Variants in EMC8 observed in about 807,000 individuals in gnomAD.
EMC8 encodes the protein COX4 neighbor.
A neutral mutation model predicts 24.3 loss-of-function variants in EMC8; 11 were observed. The observed-to-expected ratio is 0.45, with a 90% CI of 0.28 to 0.75. The LOEUF (loss-of-function observed/expected upper bound fraction) is 0.75. EMC8 is among the 30% of genes least tolerant of loss of function. The probability of loss-of-function intolerance (pLI) is 0.12; values close to 1 mark genes in which losing one functional copy is unlikely to be tolerated. For synonymous variants in EMC8, 145 were observed against 117.7 expected (o/e 1.23, Z -1.50); for missense variants, 277 against 282.7 (o/e 0.98, Z 0.14).
intron 1 of EMC8, among the ~76,000 whole-genome samples, chr16:85,789,798 CAA>C (rs879349757): frequency 1.8e-4 from 18 of 101,190 alleles, no homozygotes; most frequent in African/African-American, 1.5e-4. Context: ...GTCTCCGTCT[CAA>C]AAAAAAAAAA....
chr16:85,779,601 C>CG lies in EMC8; in HGVS notation c.*106dup. On this transcript the variant is annotated 3_prime_UTR_variant, in exon 5 of 5. Transcript: ENST00000253457. ...TCAAGGCACATGCCACTTCTTAAAA[C>CG]GGTCAGCTTTCCACACAGGCTACAA... is the stretch of plus-strand genomic sequence containing the variant. The CG allele has an allele frequency of 8.4e-7, 1 of 1,196,690 alleles. No individual in the cohort carries two copies. Among genetic ancestry groups the CG allele is most frequent in the Non-Finnish European group, 1.2e-6 (1 of 831,138 alleles). The allele number at this position is 1,196,690 out of a possible 1,614,324, so 74.1% of individuals were successfully genotyped here. A position where few individuals can be genotyped will look rare whatever the true frequency, so the allele number is the denominator to read the frequency against.
At position 85,799,317 on chromosome 16, in the gene EMC8, A is replaced by G. The variant is rs1177878216; in HGVS notation, c.-22T>C. 11 of 1,548,888 alleles carry G rather than the reference A, an allele frequency of 7.1e-6. No individual in the cohort carries two copies. The highest frequency in any genetic ancestry group is 8.7e-6 in the Non-Finnish European group (10 of 1,143,052). ...GCATGCTGACCCGGGAGGGCCCCGGAGGCCCCTGGGCGCGCGGCTGAGGCC... is the reference window on the plus strand; with the variant it reads ...GCATGCTGACCCGGGAGGGCCCCGGGGGCCCCTGGGCGCGCGGCTGAGGCC... On this transcript the variant is annotated 5_prime_UTR_variant, in exon 1 of 5. Transcript: ENST00000253457. This position sits in a 1 kb window ranked among gnomAD's most constrained non-coding sequence, Gnocchi z 4.2.
chr16:85,781,002 C>T (rs1904468124), intron 3 of EMC8: 2 of 571,490 alleles, frequency 3.5e-6, no homozygotes, highest in South Asian at 2.1e-5. Flanking sequence ...GGGGACCCCA[C>T]TCCCACTTGT....
At chr16:85,793,124 G>A (rs1225947316) in intron 1 of EMC8, among the ~76,000 whole-genome samples, 2 of 152,192 alleles carry the variant, frequency 1.3e-5, no homozygotes, top group African/African-American at 2.4e-5. Flanking sequence ...ACTATTAAAA[G>A]GGCTGGGGCC....
chr16:85,783,063 G>A (rs1904584332), intron 2 of EMC8, among the ~76,000 whole-genome samples: 3 of 152,202 alleles, frequency 2.0e-5, no homozygotes, highest in Admixed American at 2.0e-4. Context: ...ACTTTCGGAG[G>A]CCGAGGCAGG....
At position 85,780,070 on chromosome 16, in the gene EMC8, G is replaced by A. The variant is rs16939687; in HGVS notation, c.474-203C>T. 2,599 of 604,812 alleles carry A rather than the reference G, an allele frequency of 4.3e-3. 49 individuals carry two copies. The highest frequency in any genetic ancestry group is 0.041 in the African/African-American group (2,220 of 53,814). The allele number at this position is 604,812 out of a possible 1,614,324, so 37.5% of individuals were successfully genotyped here. ...AATACATGGAAGGGACGCCTTTCACGTGGAATTCTGAGAAAGTTGGAGGCA... is the reference window on the plus strand; with the variant it reads ...AATACATGGAAGGGACGCCTTTCACATGGAATTCTGAGAAAGTTGGAGGCA... On this transcript the variant is annotated intron_variant, in intron 4 of 4. Coordinates refer to ENST00000253457, the MANE Select transcript of EMC8 (RefSeq NM_006067.5).
At chr16:85,788,938 A>G (rs1364101389) in intron 2 of EMC8, 36 bp downstream of exon 2, 4 of 1,503,888 alleles carry the variant, frequency 2.7e-6, no homozygotes, top group Non-Finnish European at 3.7e-6. Flanking sequence ...ACACGTGCTC[A>G]CTTCCTCGCC....
In EMC8 at chr16:85,793,404, T is replaced by C. The variant is rs112196151; in HGVS notation, c.232-4354A>G. Among the ~76,000 whole-genome samples, 546 of 152,296 alleles carry C rather than the reference T, an allele frequency of 3.6e-3. 1 individual carries two copies. The highest frequency in any genetic ancestry group is 6.4e-3 in the Non-Finnish European group (433 of 68,022). ...GAAAGTTCCTTCTCAAGTCAGCTGC[T>C]GATCTTTCTATGGAATGAGAAGGAG... On this transcript the variant is annotated intron_variant, in intron 1 of 4. Coordinates refer to ENST00000253457, the MANE Select transcript of EMC8 (RefSeq NM_006067.5).
intron 1 of EMC8, among the ~76,000 whole-genome samples, chr16:85,795,642 GC>G (rs1597209688): frequency 2.0e-5 from 3 of 152,160 alleles, no homozygotes; most frequent in Admixed American, 1.3e-4. Flanking sequence ...GAGCTTCCAT[GC>G]CCCTTTCCCA....
chr16:85,783,039 C>A lies in EMC8; in HGVS notation c.309-1759G>T, dbSNP rs542237952. ...GGTCGGCTGGGTGCAGTGGCTCACGCCTGTAATCCCTGCACTTTCGGAGGC... is the reference window on the plus strand; with the variant it reads ...GGTCGGCTGGGTGCAGTGGCTCACGACTGTAATCCCTGCACTTTCGGAGGC... On this transcript the variant is annotated intron_variant, in intron 2 of 4. Transcript: ENST00000253457. Among the ~76,000 whole-genome samples the A allele has an allele frequency of 2.6e-5, 4 of 152,338 alleles. No homozygotes were observed. In the South Asian group the frequency reaches 8.3e-4, roughly 32 times the overall value.
At position 85,799,231 on chromosome 16, in the gene EMC8, G is replaced by T; in HGVS notation, c.65C>A (p.Pro22Gln). The T allele has an allele frequency of 6.2e-7, 1 of 1,613,212 alleles. No homozygotes were observed. Among genetic ancestry groups the T allele is most frequent in the Non-Finnish European group, 8.5e-7 (1 of 1,179,854 alleles). The change falls in exon 1 of 5, where the codon CCG (proline) becomes CAG (glutamine). Residue 22 changes from proline to glutamine, a missense_variant. By Grantham distance (76) the Pro-to-Gln change is moderately conservative (BLOSUM62 -1). Transcript: ENST00000253457. The surrounding 1 kb of genome is among the most constrained non-coding windows in gnomAD (Gnocchi z 4.2). Reference sequence around the variant, plus strand: ...CAGGAGCCCGTTGACGGCGCAGTGCGGGTACTTGGCGCCGTGCAGCACCAT... The same window carrying T: ...CAGGAGCCCGTTGACGGCGCAGTGCTGGTACTTGGCGCCGTGCAGCACCAT... ...CKMVLHGAKY[P>Q]HCAVNGLLVA...
chr16:85,783,744 C>G (rs567424113), intron 2 of EMC8, among the ~76,000 whole-genome samples: 44 of 152,338 alleles, frequency 2.9e-4, no homozygotes, highest in African/African-American at 1.0e-3. Context: ...ACTGTCCCGT[C>G]TGGCCCTCCA....
At chr16:85,783,747 G>C (rs911588779) in intron 2 of EMC8, among the ~76,000 whole-genome samples, 7 of 152,098 alleles carry the variant, frequency 4.6e-5, no homozygotes, top group Non-Finnish European at 1.0e-4. Flanking sequence ...GTCCCGTCTG[G>C]CCCTCCACAC....
Position 85,799,383 on chromosome 16 carries a change from CG to C in EMC8, c.-89del. The C allele has an allele frequency of 2.5e-6, 2 of 799,962 alleles. No homozygotes were observed. The highest frequency in any genetic ancestry group is 3.6e-6 in the Non-Finnish European group (2 of 558,828). 49.6% of individuals were successfully genotyped at this position (799,962 alleles called of 1,614,324 possible). A position where few individuals can be genotyped will look rare whatever the true frequency, so the allele number is the denominator to read the frequency against. On this transcript the variant is annotated 5_prime_UTR_variant, in exon 1 of 5. Coordinates refer to ENST00000253457, the MANE Select transcript of EMC8 (RefSeq NM_006067.5). This position sits in a 1 kb window ranked among gnomAD's most constrained non-coding sequence, Gnocchi z 4.2. Reference sequence around the variant, plus strand: ...GCCGCGCGGCGCCTCAGCCGAGAAGCGGGACGAGGCGGCGGCGATTGATGGC... The same window carrying C: ...GCCGCGCGGCGCCTCAGCCGAGAAGCGGACGAGGCGGCGGCGATTGATGGC...
intron 1 of EMC8, among the ~76,000 whole-genome samples, chr16:85,789,393 TTAA>T (rs1425210639): frequency 6.6e-6 from 1 of 152,194 alleles, no homozygotes; most frequent in East Asian, 1.9e-4. Context: ...TTAAAATTAT[TTAA>T]ATCATTATCC....
At chr16:85,796,754 G>A (rs1451850142) in intron 1 of EMC8, among the ~76,000 whole-genome samples, 2 of 152,138 alleles carry the variant, frequency 1.3e-5, no homozygotes, top group African/African-American at 4.8e-5. Flanking sequence ...CCCACCTCCT[G>A]AGGGTCAAAG....
chr16:85,794,397 GAA>G (rs1555598113), intron 1 of EMC8, among the ~76,000 whole-genome samples: 1 of 152,136 alleles, frequency 6.6e-6, no homozygotes, highest in Non-Finnish European at 1.5e-5. Context: ...GTGAATATGA[GAA>G]AAGTCAGGGC....
rs973660369 is a variant in EMC8 at position 85,779,509 on chromosome 16, G to A, written c.*199C>T. ...AGAGAGTCCACAGGGACAGTCAGAC[G>A]GGATGTCTGCACCTCTTCTAGAGAC... On this transcript the variant is annotated 3_prime_UTR_variant, in exon 5 of 5. Coordinates refer to ENST00000253457, the MANE Select transcript of EMC8 (RefSeq NM_006067.5). The A allele has an allele frequency of 2.6e-5, 14 of 543,542 alleles. No homozygotes were observed. Among genetic ancestry groups the A allele is most frequent in the South Asian group, 6.4e-5 (3 of 47,096 alleles). The allele number at this position is 543,542 out of a possible 1,614,324, so 33.7% of individuals were successfully genotyped here.
chr16:85,795,741 T>C (rs1427593566), intron 1 of EMC8, among the ~76,000 whole-genome samples: 1 of 152,152 alleles, frequency 6.6e-6, no homozygotes, highest in African/African-American at 2.4e-5. Context: ...CTGAGCTCTG[T>C]GAGTTGCTCC....
Sources: allele counts gnomAD v4.1 joint callset (sites outside exome capture counted in the v4.1 genomes callset), GRCh38; gene constraint gnomAD v4.1.1; non-coding constraint Gnocchi (gnomAD v3.1); transcripts MANE v1.5; gene names NCBI Gene and HGNC (gene_info 2026-07-23, HGNC 2026-07-21).